GPC5: variants seen among roughly 807,000 people sequenced by gnomAD.
The protein encoded by GPC5 is glypican-5.
A neutral mutation model predicts 53.9 loss-of-function variants in GPC5; 47 were observed. The observed-to-expected ratio is 0.87, with a 90% CI of 0.69 to 1.11. GPC5 has a LOEUF of 1.11. Among genes scored for constraint, GPC5 ranks in the 50% most tolerant of loss-of-function variants. GPC5 has a pLI of 0.00. For synonymous variants in GPC5, 286 were observed against 263.3 expected (o/e 1.09, Z -0.84); for missense variants, 748 against 713.1 (o/e 1.05, Z -0.56).
chr13:91,906,238 C>T (rs1462911443), intron 5 of GPC5, among the ~76,000 whole-genome samples: 1 of 152,056 alleles, frequency 6.6e-6, no homozygotes, highest in Non-Finnish European at 1.5e-5. Flanking sequence ...GCTGGGATGA[C>T]ATCCTTTGCC....
intron 2 of GPC5, among the ~76,000 whole-genome samples, chr13:91,617,787 G>C (rs1054843049): frequency 4.6e-5 from 7 of 152,188 alleles, no homozygotes; most frequent in Admixed American, 4.6e-4. Context: ...TCTGAAAATT[G>C]TTTCTGTAAA....
chr13:92,331,907 CA>C (rs1001158731), intron 7 of GPC5, among the ~76,000 whole-genome samples: 7 of 149,960 alleles, frequency 4.7e-5, no homozygotes, highest in South Asian at 2.1e-4. Flanking sequence ...AATTCAATAA[CA>C]AAAAAAATAA....
intron 6 of GPC5, among the ~76,000 whole-genome samples, chr13:91,910,677 T>G (rs2039601639): frequency 6.6e-6 from 1 of 152,048 alleles, no homozygotes; most frequent in East Asian, 1.9e-4. Context: ...GCAATTAGAG[T>G]CACTAAGGAA....
At chr13:91,476,590 A>G (rs558987783) in intron 2 of GPC5, among the ~76,000 whole-genome samples, 15 of 152,330 alleles carry the variant, frequency 9.8e-5, no homozygotes, top group African/African-American at 3.4e-4. Context: ...GTTTTCTTCA[A>G]TAGTGATGCA....
At chr13:92,615,068 T>C (rs906900348) in intron 7 of GPC5, among the ~76,000 whole-genome samples, 2 of 152,216 alleles carry the variant, frequency 1.3e-5, no homozygotes, top group African/African-American at 4.8e-5. Flanking sequence ...TCTGTAAGAA[T>C]AGTCTTATGC....
At chr13:92,743,203 C>A (rs371524418) in intron 7 of GPC5, among the ~76,000 whole-genome samples, 2 of 151,900 alleles carry the variant, frequency 1.3e-5, no homozygotes, top group Non-Finnish European at 2.9e-5. Flanking sequence ...GATATTGATT[C>A]TTCCTATCCA....
At chr13:91,620,647 G>A (rs1248597540) in intron 2 of GPC5, among the ~76,000 whole-genome samples, 1 of 152,048 alleles carries the variant, frequency 6.6e-6, no homozygotes, top group Admixed American at 6.6e-5. Flanking sequence ...CTTCTTTATG[G>A]CCATGATGCC....
At chr13:92,470,804 T>C (rs571988526) in intron 7 of GPC5, among the ~76,000 whole-genome samples, 50 of 152,200 alleles carry the variant, frequency 3.3e-4, no homozygotes, top group Non-Finnish European at 6.2e-4. Context: ...ATTAGGGCTC[T>C]TAGATATTAA....
rs572491453 is a variant in GPC5 at position 92,518,696 on chromosome 13, G to A, written c.1562-347586G>A. Among the ~76,000 whole-genome samples the A allele has an allele frequency of 3.2e-3, 485 of 152,224 alleles. 1 individual carries two copies. Among genetic ancestry groups the A allele is most frequent in the African/African-American group, 9.6e-3 (398 of 41,542 alleles). ...AACATGACAAATTGTAAAGACCATC[G>A]AGGCTAGGAAGAAACTGCATCAACT... On this transcript the variant is annotated intron_variant, in intron 7 of 7. Coordinates refer to ENST00000377067, the MANE Select transcript of GPC5 (RefSeq NM_004466.6).
At chr13:92,851,750 G>A (rs577926794) in intron 7 of GPC5, among the ~76,000 whole-genome samples, 70 of 151,388 alleles carry the variant, frequency 4.6e-4, no homozygotes, top group African/African-American at 1.5e-3. Context: ...TTAGCCAGGC[G>A]TGGTGGTGGG....
chr13:92,515,694 C>A (rs553380859), intron 7 of GPC5, among the ~76,000 whole-genome samples: 1 of 152,044 alleles, frequency 6.6e-6, no homozygotes, highest in Non-Finnish European at 1.5e-5. Context: ...CAGTGTAATA[C>A]TTTATTAACC....
rs1461517785 is a variant in GPC5 at position 92,843,543 on chromosome 13, A to G, written c.1562-22739A>G. On this transcript the variant is annotated intron_variant, in intron 7 of 7. Transcript: ENST00000377067. ...ATCCCTCCACTCTTTTGGTATTCTT[A>G]GAGAGAATCTTAGATGGATAGCACA... Among the ~76,000 whole-genome samples, 40 of 152,308 alleles carry G rather than the reference A, an allele frequency of 2.6e-4. 1 individual carries two copies. The highest frequency in any genetic ancestry group is 2.5e-3 in the Admixed American group (39 of 15,296).
intron 7 of GPC5, among the ~76,000 whole-genome samples, chr13:92,341,033 T>A (rs934788504): frequency 7.2e-5 from 11 of 152,142 alleles, no homozygotes; most frequent in African/African-American, 2.4e-4. Context: ...TTTTTTAAAA[T>A]TTGGTAATAG....
At chr13:92,581,610 G>A (rs1443989017) in intron 7 of GPC5, among the ~76,000 whole-genome samples, 1 of 152,082 alleles carries the variant, frequency 6.6e-6, no homozygotes, top group African/African-American at 2.4e-5. Flanking sequence ...TGGATCGTAT[G>A]TTCTATTTTT....
At chr13:91,510,876 G>A (rs1349858909) in intron 2 of GPC5, among the ~76,000 whole-genome samples, 1 of 151,890 alleles carries the variant, frequency 6.6e-6, no homozygotes, top group Non-Finnish European at 1.5e-5. Flanking sequence ...TTCATTTAAT[G>A]TCTTTCTATC....
intron 7 of GPC5, among the ~76,000 whole-genome samples, chr13:92,492,252 T>C (rs372558127): frequency 3.9e-5 from 6 of 152,116 alleles, no homozygotes; most frequent in African/African-American, 1.4e-4. Context: ...CCATTTTGAA[T>C]AGAGTAACAC....
chr13:92,308,100 G>T (rs1413631801), intron 7 of GPC5, among the ~76,000 whole-genome samples: 3 of 151,978 alleles, frequency 2.0e-5, no homozygotes, highest in African/African-American at 7.3e-5. Flanking sequence ...CTAAAAGTAT[G>T]GTTTGTGGGA....
chr13:91,593,285 TG>T (rs1207711008), intron 2 of GPC5, among the ~76,000 whole-genome samples: 1 of 152,198 alleles, frequency 6.6e-6, no homozygotes, highest in African/African-American at 2.4e-5. Flanking sequence ...CATCCATTCT[TG>T]ACATTTTCTC....
At chr13:92,323,545 AT>A (rs2139226109) in intron 7 of GPC5, among the ~76,000 whole-genome samples, 1 of 151,794 alleles carries the variant, frequency 6.6e-6, no homozygotes, top group African/African-American at 2.4e-5. Flanking sequence ...TATATAATAT[AT>A]TTTTATGCAC....
Sources: allele counts gnomAD v4.1 joint callset (sites outside exome capture counted in the v4.1 genomes callset), GRCh38; gene constraint gnomAD v4.1.1; transcripts MANE v1.5; gene names NCBI Gene and HGNC (gene_info 2026-07-23, HGNC 2026-07-21).